Variants in RBFOX1 observed in about 807,000 individuals in gnomAD.
RBFOX1 encodes the protein RNA binding protein fox-1 homolog 1.
In RBFOX1, 8 loss-of-function variants were observed where a neutral mutation model predicts 57.7. The observed-to-expected ratio is 0.14, with a 90% confidence interval of 0.08 to 0.25. The LOEUF is 0.25. Among genes scored for constraint, RBFOX1 ranks in the 10% least tolerant of loss-of-function variants. The pLI is 1.00. For missense variants in RBFOX1, 611 were observed against 548.5 expected (o/e 1.11, Z -1.14); for synonymous variants, 326 against 222.4 (o/e 1.47, Z -4.15).
At chr16:7,291,845 A>C (rs1358145657) in intron 4 of RBFOX1, among the ~76,000 whole-genome samples, 4 of 149,498 alleles carry the variant, frequency 2.7e-5, no homozygotes, top group African/African-American at 9.8e-5. Context: ...ACAAGTGTGT[A>C]AAGAGTATCA....
chr16:7,341,899 C>A (rs1396475805), intron 4 of RBFOX1, among the ~76,000 whole-genome samples: 2 of 151,368 alleles, frequency 1.3e-5, no homozygotes, highest in Admixed American at 1.3e-4. Context: ...CCAACTTAGA[C>A]TAAAGTAATA....
chr16:7,276,138 C>T (rs2095435648), intron 4 of RBFOX1, among the ~76,000 whole-genome samples: 1 of 152,226 alleles, frequency 6.6e-6, no homozygotes. Flanking sequence ...AGAGACCCTG[C>T]AAGGTGGCGA....
At chr16:6,626,361 G>T (rs2098307136) in intron 2 of RBFOX1, among the ~76,000 whole-genome samples, 1 of 152,100 alleles carries the variant, frequency 6.6e-6, no homozygotes, top group Non-Finnish European at 1.5e-5. Flanking sequence ...GGTGTTGCAG[G>T]ACCTGGGAGC....
At chr16:7,650,137 G>A (rs2064698906) in intron 11 of RBFOX1, among the ~76,000 whole-genome samples, 2 of 152,030 alleles carry the variant, frequency 1.3e-5, no homozygotes, top group South Asian at 4.2e-4. Flanking sequence ...ATGTAAGAAA[G>A]AAAGGAATGT....
intron 3 of RBFOX1, among the ~76,000 whole-genome samples, chr16:5,734,101 G>A (rs1272258006): frequency 4.6e-5 from 7 of 152,076 alleles, no homozygotes; most frequent in Admixed American, 2.6e-4. Context: ...CCATCCTTAC[G>A]CCCTACCTGG....
chr16:6,825,916 A>C (rs1316762139), intron 3 of RBFOX1, among the ~76,000 whole-genome samples: 1 of 152,150 alleles, frequency 6.6e-6, no homozygotes, highest in Non-Finnish European at 1.5e-5. Context: ...GTGTGACTTT[A>C]AATTCAAATC....
intron 4 of RBFOX1, among the ~76,000 whole-genome samples, chr16:5,900,731 G>A (rs901648001): frequency 2.6e-5 from 4 of 152,132 alleles, no homozygotes; most frequent in Non-Finnish European, 5.9e-5. Flanking sequence ...GGCCAGCTTC[G>A]AGAAGGACAT....
intron 2 of RBFOX1, among the ~76,000 whole-genome samples, chr16:6,511,404 G>A (rs555708270): frequency 2.0e-4 from 31 of 152,272 alleles, no homozygotes; most frequent in African/African-American, 7.2e-4. Flanking sequence ...AATATCATAC[G>A]CAAAATGAAG....
chr16:6,053,797 C>A (rs1023497407), intron 1 of RBFOX1, among the ~76,000 whole-genome samples: 1 of 152,140 alleles, frequency 6.6e-6, no homozygotes, highest in Non-Finnish European at 1.5e-5. Flanking sequence ...CTGCCCCATA[C>A]CTATAATTCT....
chr16:5,624,471 A>C (rs1347724923), intron 3 of RBFOX1, among the ~76,000 whole-genome samples: 1 of 152,240 alleles, frequency 6.6e-6, no homozygotes, highest in African/African-American at 2.4e-5. Context: ...TTCTGGGATC[A>C]CAGGCGTGAG....
intron 1 of RBFOX1, among the ~76,000 whole-genome samples, chr16:6,022,063 T>C (rs1199200526): frequency 6.6e-6 from 1 of 152,154 alleles, no homozygotes; most frequent in Non-Finnish European, 1.5e-5. Context: ...TTCTGCTCTC[T>C]GCATGTTCCA....
At chr16:5,964,837 C>T (rs1321637217) in intron 4 of RBFOX1, among the ~76,000 whole-genome samples, 1 of 151,904 alleles carries the variant, frequency 6.6e-6, no homozygotes, top group East Asian at 1.9e-4. Context: ...CGTATATACA[C>T]ACACACAATG....
At chr16:5,650,209 G>A (rs2049189465) in intron 3 of RBFOX1, among the ~76,000 whole-genome samples, 1 of 152,188 alleles carries the variant, frequency 6.6e-6, no homozygotes. Context: ...TCTTACCTGA[G>A]CAAACAGAGG....
chr16:5,763,279 A>C (rs2053650666), intron 3 of RBFOX1, among the ~76,000 whole-genome samples: 1 of 152,230 alleles, frequency 6.6e-6, no homozygotes, highest in South Asian at 2.1e-4. Flanking sequence ...GACCCTCCTT[A>C]GGAAGTGTCA....
chr16:5,678,047 G>T (rs552020179), intron 3 of RBFOX1, among the ~76,000 whole-genome samples: 5 of 152,286 alleles, frequency 3.3e-5, no homozygotes, highest in East Asian at 3.9e-4. Context: ...TGTATTTAGG[G>T]ATTCACTATT....
intron 2 of RBFOX1, among the ~76,000 whole-genome samples, chr16:6,490,426 C>G (rs1476029029): frequency 6.6e-6 from 1 of 152,146 alleles, no homozygotes; most frequent in Non-Finnish European, 1.5e-5. Flanking sequence ...GAAAATGTCT[C>G]ACATCTCGAA....
intron 4 of RBFOX1, among the ~76,000 whole-genome samples, chr16:7,064,924 T>C (rs2055573907): frequency 6.6e-6 from 1 of 152,218 alleles, no homozygotes; most frequent in African/African-American, 2.4e-5. Flanking sequence ...TCTTGTTTAC[T>C]TAAAAAATAG....
At chr16:6,505,039 C>T (rs902357479) in intron 2 of RBFOX1, among the ~76,000 whole-genome samples, 1 of 152,136 alleles carries the variant, frequency 6.6e-6, no homozygotes, top group Non-Finnish European at 1.5e-5. Flanking sequence ...TGCTGCTCTA[C>T]TCCATCTTGG....
intron 2 of RBFOX1, among the ~76,000 whole-genome samples, chr16:6,540,339 C>T (rs1274834059): frequency 6.6e-6 from 1 of 150,996 alleles, no homozygotes; most frequent in East Asian, 1.9e-4. Context: ...TCAGGCCTAG[C>T]GTGGTGGCTC....
Sources: allele counts gnomAD v4.1 joint callset (sites outside exome capture counted in the v4.1 genomes callset), GRCh38; gene constraint gnomAD v4.1.1; transcripts MANE v1.5; gene names NCBI Gene and HGNC (gene_info 2026-07-23, HGNC 2026-07-21).